CDYL2: variants seen among roughly 807,000 people sequenced by gnomAD.
CDYL2 encodes chromodomain Y-like protein 2.
In CDYL2, 23 loss-of-function variants were observed where a neutral mutation model predicts 49.4. The ratio of observed to expected loss-of-function variants is 0.47; its 90% CI spans 0.34 to 0.66. CDYL2 has a LOEUF of 0.66. CDYL2 is among the 30% of genes least tolerant of loss of function. The pLI is 0.01. For synonymous variants in CDYL2, 360 were observed against 268.8 expected, an observed-to-expected ratio of 1.34 and a Z score of -3.32; for missense variants, 678 against 656.4, an observed-to-expected ratio of 1.03 and a Z score of -0.36.
intron 1 of CDYL2, among the ~76,000 whole-genome samples, chr16:80,788,923 T>C (rs1270727149): frequency 1.2e-4 from 19 of 152,148 alleles, no homozygotes; most frequent in Admixed American, 1.2e-3. Flanking sequence ...ATGACTGTTT[T>C]GTTTGTTTGT....
chr16:80,686,797 T>A (rs1243755469), intron 1 of CDYL2, among the ~76,000 whole-genome samples: 2 of 152,238 alleles, frequency 1.3e-5, no homozygotes, highest in Non-Finnish European at 2.9e-5. Flanking sequence ...TGCCTCTTTA[T>A]AATACTGCCT....
At chr16:80,784,348 A>ATT (rs1264296147) in intron 1 of CDYL2, among the ~76,000 whole-genome samples, 3 of 152,112 alleles carry the variant, frequency 2.0e-5, no homozygotes, top group African/African-American at 7.2e-5. Context: ...TTCTAAGACT[A>ATT]TTTTTTTCAT....
At chr16:80,651,504 T>C (rs1186717349) in intron 2 of CDYL2, among the ~76,000 whole-genome samples, 1 of 152,170 alleles carries the variant, frequency 6.6e-6, no homozygotes, top group Non-Finnish European at 1.5e-5. Flanking sequence ...CTACTCTGCA[T>C]GATACTACAA....
intron 2 of CDYL2, among the ~76,000 whole-genome samples, chr16:80,676,217 T>C (rs1197366362): frequency 6.6e-6 from 1 of 152,198 alleles, no homozygotes; most frequent in East Asian, 1.9e-4. Flanking sequence ...CACACCTTCC[T>C]TACTTGCCAC....
chr16:80,636,452 A>G (rs572301252), intron 2 of CDYL2, among the ~76,000 whole-genome samples: 1 of 152,360 alleles, frequency 6.6e-6, no homozygotes, highest in East Asian at 1.9e-4. Context: ...ATACATGAAA[A>G]AAAGCTCATC....
chr16:80,687,162 T>C (rs1331074221), intron 1 of CDYL2, among the ~76,000 whole-genome samples: 1 of 152,234 alleles, frequency 6.6e-6, no homozygotes, highest in Non-Finnish European at 1.5e-5. Context: ...AATCTGACAT[T>C]GCCTGAAACA....
chr16:80,778,007 G>T (rs1488882230), intron 1 of CDYL2, among the ~76,000 whole-genome samples: 1 of 151,832 alleles, frequency 6.6e-6, no homozygotes, highest in Non-Finnish European at 1.5e-5. Context: ...ATTAAATATG[G>T]AAATTTTTAA....
chr16:80,738,137 T>G (rs557574590), intron 1 of CDYL2, among the ~76,000 whole-genome samples: 1 of 152,118 alleles, frequency 6.6e-6, no homozygotes, highest in African/African-American at 2.4e-5. Context: ...TGTTTCTGTG[T>G]TAGTTTGCTG....
intron 2 of CDYL2, among the ~76,000 whole-genome samples, chr16:80,662,345 T>A (rs966229045): frequency 5.9e-5 from 9 of 152,164 alleles, no homozygotes; most frequent in Non-Finnish European, 1.0e-4. Context: ...CCAGAGTCAT[T>A]CTCCCTCCTG....
intron 1 of CDYL2, among the ~76,000 whole-genome samples, chr16:80,783,264 G>T (rs1348912547): frequency 6.6e-6 from 1 of 152,096 alleles, no homozygotes; most frequent in Non-Finnish European, 1.5e-5. Flanking sequence ...CATATCAAAA[G>T]GTGTTCAACA....
At chr16:80,689,068 A>G (rs371173517) in intron 1 of CDYL2, among the ~76,000 whole-genome samples, 202 of 149,932 alleles carry the variant, frequency 1.3e-3, no homozygotes, top group African/African-American at 5.0e-3. Context: ...TTATTTGCAC[A>G]TATGAATGAA....
chr16:80,720,198 C>T (rs1453321543), intron 1 of CDYL2, among the ~76,000 whole-genome samples: 1 of 152,130 alleles, frequency 6.6e-6, no homozygotes, highest in Non-Finnish European at 1.5e-5. Context: ...GCTCAGAGGG[C>T]CCTTCTTCCA....
At chr16:80,737,089 C>G (rs967960718) in intron 1 of CDYL2, among the ~76,000 whole-genome samples, 1 of 152,176 alleles carries the variant, frequency 6.6e-6, no homozygotes, top group African/African-American at 2.4e-5. Context: ...GCAGGCAGAT[C>G]AGTTTCAGGA....
At chr16:80,772,795 G>A (rs1906950699) in intron 1 of CDYL2, among the ~76,000 whole-genome samples, 1 of 151,994 alleles carries the variant, frequency 6.6e-6, no homozygotes, top group Non-Finnish European at 1.5e-5. Flanking sequence ...TATACATATT[G>A]TAATTTCTAG....
rs762305274 is a variant in CDYL2 at position 80,612,822 on chromosome 16, G to C, written c.1022C>G (p.Ala341Gly). 20 of 1,611,752 alleles carry C rather than the reference G, an allele frequency of 1.2e-5. No individual in the cohort carries two copies. Among genetic ancestry groups the C allele is most frequent in the Non-Finnish European group, 1.7e-5 (20 of 1,178,856 alleles). The change falls in exon 5 of 7, where the codon GCC becomes GGC. Residue 341 changes from alanine (A) to glycine (G), a missense_variant. This residue lies in a region of CDYL2 where 47 missense variants were observed against 78.8 expected (regional missense o/e 0.60). Coordinates refer to ENST00000570137, the MANE Select transcript of CDYL2 (RefSeq NM_152342.4). This position sits in a 1 kb window ranked among gnomAD's most constrained non-coding sequence, Gnocchi z 5.0. ...IAEAIRDFVK[A>G]FIQFKKPIVV... ...GATAGGCTTCTTAAACTGGATAAAG[G>C]CCTTCACAAAGTCCCTGGGAGAGAA...
At chr16:80,686,107 C>T (rs533163216) in intron 1 of CDYL2, among the ~76,000 whole-genome samples, 7 of 152,278 alleles carry the variant, frequency 4.6e-5, no homozygotes, top group African/African-American at 1.4e-4. Context: ...AGCTCGCAGG[C>T]GATACTGGTG....
intron 1 of CDYL2, among the ~76,000 whole-genome samples, chr16:80,704,027 T>C (rs1016928416): frequency 3.3e-5 from 5 of 152,116 alleles, no homozygotes; most frequent in African/African-American, 4.8e-5. Flanking sequence ...TGCTGGAAGA[T>C]TGGGAGGTGA....
At chr16:80,691,617 C>A (rs1910418361) in intron 1 of CDYL2, among the ~76,000 whole-genome samples, 1 of 152,196 alleles carries the variant, frequency 6.6e-6, no homozygotes, top group Non-Finnish European at 1.5e-5. Flanking sequence ...AGCATCATCA[C>A]ACAACATGGT....
chr16:80,687,941 T>A (rs1910264223), intron 1 of CDYL2, among the ~76,000 whole-genome samples: 1 of 152,196 alleles, frequency 6.6e-6, no homozygotes, highest in Non-Finnish European at 1.5e-5. Context: ...TTCCTCCACC[T>A]TTCAGAATAT....
Sources: allele counts gnomAD v4.1 joint callset (sites outside exome capture counted in the v4.1 genomes callset), GRCh38; gene constraint gnomAD v4.1.1; regional missense constraint gnomAD v4.1.1; non-coding constraint Gnocchi (gnomAD v3.1); transcripts MANE v1.5; gene names NCBI Gene and HGNC (gene_info 2026-07-23, HGNC 2026-07-21).